CPA6: variants seen among roughly 807,000 people sequenced by gnomAD.
CPA6 encodes the protein carboxypeptidase A6, also known as carboxypeptidase B.
CPA6 carries 58 observed loss-of-function variants against 63.3 expected under a neutral mutation model. That is an observed-to-expected ratio of 0.92 (90% CI 0.74 to 1.14). CPA6 has a LOEUF of 1.14. Among genes scored for constraint, CPA6 ranks in the 50% most tolerant of loss-of-function variants. The pLI is 0.00. For missense variants in CPA6, 565 were observed against 526.6 expected, an observed-to-expected ratio of 1.07 and a Z score of -0.71; for synonymous variants, 185 against 179.0, an observed-to-expected ratio of 1.03 and a Z score of -0.27.
intron 10 of CPA6, among the ~76,000 whole-genome samples, chr8:67,426,775 C>T (rs1421938962): frequency 2.0e-5 from 3 of 152,064 alleles, no homozygotes; most frequent in Admixed American, 1.3e-4. Flanking sequence ...TTGCACACAC[C>T]GACATTCACA....
At chr8:67,533,663 A>G (rs2128969371) in intron 2 of CPA6, among the ~76,000 whole-genome samples, 1 of 152,350 alleles carries the variant, frequency 6.6e-6, no homozygotes, top group East Asian at 1.9e-4. Flanking sequence ...TCAGTAAAAG[A>G]TTTATAAAGA....
At chr8:67,741,884 C>A (rs76633491) in intron 1 of CPA6, among the ~76,000 whole-genome samples, 2,136 of 152,174 alleles carry the variant, frequency 0.014, 59 homozygotes, top group African/African-American at 0.049. Context: ...AAACCACCCC[C>A]GCCACAACCG....
At chr8:67,680,489 TAA>T (rs5892091) in intron 1 of CPA6, among the ~76,000 whole-genome samples, 39 of 132,494 alleles carry the variant, frequency 2.9e-4, no homozygotes, top group Admixed American at 5.3e-4. Flanking sequence ...CCTCTGTATT[TAA>T]AAAAAAAAAA....
chr8:67,514,441 G>C (rs990106280), intron 3 of CPA6, among the ~76,000 whole-genome samples: 6 of 152,110 alleles, frequency 3.9e-5, no homozygotes, highest in African/African-American at 1.2e-4. Flanking sequence ...CTTGTACAGA[G>C]TAAATGACAA....
At chr8:67,741,071 A>T (rs1356200631) in intron 1 of CPA6, among the ~76,000 whole-genome samples, 2 of 152,150 alleles carry the variant, frequency 1.3e-5, no homozygotes, top group Non-Finnish European at 2.9e-5. Context: ...GGTCATGGGA[A>T]AAAAGGATAT....
intron 2 of CPA6, among the ~76,000 whole-genome samples, chr8:67,536,416 C>T (rs1812586225): frequency 6.6e-6 from 1 of 152,120 alleles, no homozygotes; most frequent in African/African-American, 2.4e-5. Flanking sequence ...CTTCACATCC[C>T]TTGTAAGTTG....
chr8:67,489,104 T>A (rs1281190933), intron 6 of CPA6, among the ~76,000 whole-genome samples: 2 of 148,880 alleles, frequency 1.3e-5, no homozygotes, highest in Admixed American at 6.6e-5. Flanking sequence ...TAGGAGTGTT[T>A]TTTTTCTTTT....
chr8:67,620,122 A>C (rs1209397823), intron 2 of CPA6, among the ~76,000 whole-genome samples: 1 of 152,034 alleles, frequency 6.6e-6, no homozygotes, highest in Non-Finnish European at 1.5e-5. Context: ...CTCACTTCCT[A>C]GGGGCCATTG....
chr8:67,528,618 C>T (rs919517413), intron 2 of CPA6, among the ~76,000 whole-genome samples: 7 of 152,014 alleles, frequency 4.6e-5, no homozygotes, highest in African/African-American at 1.7e-4. Flanking sequence ...ACTACCACGA[C>T]TTGACCAAAC....
At chr8:67,723,461 G>C (rs572406653) in intron 1 of CPA6, among the ~76,000 whole-genome samples, 1 of 152,148 alleles carries the variant, frequency 6.6e-6, no homozygotes, top group East Asian at 1.9e-4. Flanking sequence ...GCCACCGTGC[G>C]TGGCGGAGGA....
At chr8:67,502,212 C>A (rs1311216063) in intron 6 of CPA6, among the ~76,000 whole-genome samples, 1 of 151,934 alleles carries the variant, frequency 6.6e-6, no homozygotes, top group Non-Finnish European at 1.5e-5. Flanking sequence ...GCCTATAATC[C>A]CAGCACTTTG....
intron 2 of CPA6, among the ~76,000 whole-genome samples, chr8:67,589,515 G>C (rs951214003): frequency 1.6e-4 from 25 of 152,146 alleles, no homozygotes; most frequent in African/African-American, 6.0e-4. Flanking sequence ...TTTACTGGGG[G>C]ACAGGTAAGA....
chr8:67,424,041 A>T (rs1809828697), intron 10 of CPA6, among the ~76,000 whole-genome samples: 1 of 152,160 alleles, frequency 6.6e-6, no homozygotes, highest in South Asian at 2.1e-4. Context: ...TCATAGGAAC[A>T]TGAACCCTAT....
intron 2 of CPA6, among the ~76,000 whole-genome samples, chr8:67,621,329 T>C (rs1393971589): frequency 6.6e-6 from 1 of 152,172 alleles, no homozygotes; most frequent in Non-Finnish European, 1.5e-5. Context: ...ATGCAACCCA[T>C]TGAATGGGGG....
intron 1 of CPA6, among the ~76,000 whole-genome samples, chr8:67,711,062 T>C (rs1025488215): frequency 1.3e-5 from 2 of 152,162 alleles, no homozygotes; most frequent in Non-Finnish European, 2.9e-5. Context: ...TTGAGTTACC[T>C]GGAACTGCAT....
At chr8:67,603,774 T>A (rs1354184320) in intron 2 of CPA6, among the ~76,000 whole-genome samples, 1 of 152,240 alleles carries the variant, frequency 6.6e-6, no homozygotes, top group East Asian at 1.9e-4. Flanking sequence ...AGGTTATTTC[T>A]AAAACTTCTC....
chr8:67,429,168 A>G (rs1216432092), intron 9 of CPA6, among the ~76,000 whole-genome samples: 2 of 152,244 alleles, frequency 1.3e-5, no homozygotes, highest in Non-Finnish European at 2.9e-5. Context: ...GCGAAGAGGT[A>G]GAAAGTCTAA....
Position 67,718,284 on chromosome 8 carries a change from T to C in CPA6, c.116+27730A>G, listed in dbSNP as rs975998887. 2.6e-5 allele frequency among the ~76,000 whole-genome samples: 4 copies of C among 152,232 alleles called. No homozygotes were observed. The South Asian group carries it at 8.3e-4, about 32-fold the overall frequency. Reference sequence around the variant, plus strand: ...TGCAAGGGTTTTAAGAATTGTGAGGTATTTTTTTTTAATGTTTTAAAAGCC... The same window carrying C: ...TGCAAGGGTTTTAAGAATTGTGAGGCATTTTTTTTTAATGTTTTAAAAGCC... On this transcript the variant is annotated intron_variant, in intron 1 of 10. Transcript: ENST00000297770.
Position 67,624,212 on chromosome 8 carries a change from T to C in CPA6, c.156A>G (p.Glu52=), listed in dbSNP as rs752715894. The C allele has an allele frequency of 6.5e-7, 1 of 1,529,408 alleles. No homozygotes were observed. The highest frequency in any genetic ancestry group is 9.0e-7 in the Non-Finnish European group (1 of 1,105,610). 94.7% of individuals were successfully genotyped at this position (1,529,408 alleles called of 1,614,324 possible). A position where few individuals can be genotyped will look rare whatever the true frequency, so the allele number is the denominator to read the frequency against. ...AGGATATTTTCTTCAGTGCATATGCTTCCTCTTCTGTTTTGGGAATAAATC... is the reference window on the plus strand; with the variant it reads ...AGGATATTTTCTTCAGTGCATATGCCTCCTCTTCTGTTTTGGGAATAAATC... ...VIRFIPKTEE[E]AYALKKISYQ... The change falls in exon 2 of 11, where the codon GAA becomes GAG. Residue 52 remains glutamate (E), a synonymous_variant. Transcript: ENST00000297770.
Sources: allele counts gnomAD v4.1 joint callset (sites outside exome capture counted in the v4.1 genomes callset), GRCh38; gene constraint gnomAD v4.1.1; transcripts MANE v1.5; gene names NCBI Gene and HGNC (gene_info 2026-07-23, HGNC 2026-07-21).